The following DUX4 variants were observed in gnomAD, a reference collection of about 807,000 sequenced individuals.
DUX4 encodes double homeobox protein 4.
chr4:190,179,192 C>A (rs1458858083), downstream of DUX4, among the ~76,000 whole-genome samples: 1 of 2,038 alleles, frequency 4.9e-4, no homozygotes, highest in Admixed American at 5.1e-3. Flanking sequence ...AGAGCCCTGA[C>A]AAGTGGTACA....
intron 1 of DUX4, chr4:190,183,125 A>AGGGTT (rs1742622069): frequency 4.6e-5 from 2 of 43,274 alleles, no homozygotes; most frequent in Non-Finnish European, 7.7e-5. Context: ...TTTTAGGGTT[A>AGGGTT]AGGTTAGGGT....
At chr4:190,176,660 T>G (rs1385704787), downstream of DUX4, among the ~76,000 whole-genome samples, 2 of 114,172 alleles carry the variant, frequency 1.8e-5, 1 homozygote, top group Non-Finnish European at 4.1e-5. Context: ...AGGCAGAGCC[T>G]AGACAAGAGT....
downstream of DUX4, among the ~76,000 whole-genome samples, chr4:190,177,816 A>G (rs1579833364): frequency 8.8e-4 from 132 of 150,532 alleles, no homozygotes; most frequent in Middle Eastern, 3.4e-3. Context: ...CCCTTTTGGC[A>G]GAGCCTAGAC....
At chr4:190,178,246 GCATCACCTGGGTGATCAGTGTAGAGA>G (rs1742412825), downstream of DUX4, among the ~76,000 whole-genome samples, 1 of 142,946 alleles carries the variant, frequency 7.0e-6, no homozygotes, top group African/African-American at 2.5e-5. Flanking sequence ...GAGAAGAGTT[GCATCACCTGGGTGATCAGTGTAGAGA>G]TATGTCACAA....
intron 1 of DUX4, chr4:190,182,314 G>A (rs1436189159): frequency 8.9e-6 from 1 of 112,274 alleles, no homozygotes; most frequent in African/African-American, 2.6e-5. Context: ...TTAGGCTTAG[G>A]CTTAGGGTAA....
chr4:190,176,596 C>A (rs1742312577), downstream of DUX4, among the ~76,000 whole-genome samples: 1 of 112,134 alleles, frequency 8.9e-6, no homozygotes, highest in African/African-American at 2.7e-5. Flanking sequence ...AGAACGTAGA[C>A]AAGAGTTCCC....
intron 1 of DUX4, among the ~76,000 whole-genome samples, chr4:190,181,174 ACT>A (rs1742550056): frequency 2.2e-5 from 2 of 91,900 alleles, no homozygotes; most frequent in African/African-American, 4.4e-5. Flanking sequence ...CAGAGCTTAG[ACT>A]AGAGTTACAT....
chr4:190,176,589 A>G (rs1290881858), downstream of DUX4, among the ~76,000 whole-genome samples: 54,915 of 88,492 alleles, frequency 0.62, 21,918 homozygotes, highest in South Asian at 0.8. Context: ...TGTAGGCAGA[A>G]CGTAGACAAG....
chr4:190,177,798 A>C (rs1742386756), downstream of DUX4, among the ~76,000 whole-genome samples: 505 of 132,544 alleles, frequency 3.8e-3, no homozygotes, highest in Admixed American at 6.0e-3. Context: ...GAGTTATGTC[A>C]CAATGCCCCC....
rs1742210984 is a variant in DUX4 at position 190,175,201 on chromosome 4, C to G, written c.*153C>G. 9.4e-5 allele frequency: 14 copies of G among 148,474 alleles called. No homozygotes were observed. Among genetic ancestry groups the G allele is most frequent in the Middle Eastern group, 3.8e-3 (1 of 262 alleles). The allele number at this position is 148,474 out of a possible 1,614,324, so 9.2% of individuals were successfully genotyped here. ...GGATTCCTGCCTTCTAGGTCTAGGC[C>G]CGGTGAGAGACTCCACTCCGCGGAG... On this transcript the variant is annotated 3_prime_UTR_variant, in exon 1 of 2. Transcript: ENST00000565211.
downstream of DUX4, among the ~76,000 whole-genome samples, chr4:190,177,796 T>C (rs1742386699): frequency 0.011 from 1,510 of 134,380 alleles, no homozygotes; most frequent in Admixed American, 0.014. Context: ...CAGAGTTATG[T>C]CACAATGCCC....
chr4:190,183,833 C>T (rs1323553728), intron 1 of DUX4, among the ~76,000 whole-genome samples: 4 of 118,172 alleles, frequency 3.4e-5, no homozygotes, highest in African/African-American at 7.7e-5. Flanking sequence ...CCCCACAACC[C>T]GCAGCATACT....
At chr4:190,180,152 C>T (rs1579836596), downstream of DUX4, among the ~76,000 whole-genome samples, 5 of 60,662 alleles carry the variant, frequency 8.2e-5, no homozygotes, top group South Asian at 1.1e-3. Context: ...AGAGAAGAGT[C>T]CCATCACCTG....
intron 1 of DUX4, 24 bp downstream of exon 1, chr4:190,175,308 C>T (rs1742223423): frequency 9.1e-4 from 94 of 103,836 alleles, no homozygotes; most frequent in South Asian, 2.0e-3. Flanking sequence ...TGCGCACGCG[C>T]GGGTTTGCGG....
At chr4:190,181,492 G>GA (rs1742573846) in intron 1 of DUX4, among the ~76,000 whole-genome samples, 1 of 90,290 alleles carries the variant, frequency 1.1e-5, no homozygotes, top group Non-Finnish European at 2.2e-5. Flanking sequence ...TACGTCACAA[G>GA]GCCCCCTATA....
chr4:190,177,060 T>G (rs1380861341), downstream of DUX4, among the ~76,000 whole-genome samples: 4,195 of 107,110 alleles, frequency 0.039, no homozygotes, highest in East Asian at 0.094. Context: ...AATCCCCCTC[T>G]AGGCAGAGTA....
downstream of DUX4, among the ~76,000 whole-genome samples, chr4:190,177,870 A>AAACT (rs1742391913): frequency 5.5e-5 from 8 of 145,234 alleles, no homozygotes; most frequent in East Asian, 2.1e-4. Flanking sequence ...ATATGTCACA[A>AAACT]TGTCCCTGTA....
At chr4:190,177,020 C>T (rs1742336822), downstream of DUX4, among the ~76,000 whole-genome samples, 85 of 135,208 alleles carry the variant, frequency 6.3e-4, no homozygotes, top group Admixed American at 8.4e-4. Flanking sequence ...ACTTCCATCA[C>T]CTGGGTGATC....
At chr4:190,177,064 C>A (rs1742339837), downstream of DUX4, among the ~76,000 whole-genome samples, 547 of 146,366 alleles carry the variant, frequency 3.7e-3, no homozygotes, top group Middle Eastern at 0.023. Context: ...CCCCTCTAGG[C>A]AGAGTATAGA....
Sources: allele counts gnomAD v4.1 joint callset (sites outside exome capture counted in the v4.1 genomes callset), GRCh38; gene constraint gnomAD v4.1.1; transcripts MANE v1.5; gene names NCBI Gene and HGNC (gene_info 2026-07-23, HGNC 2026-07-21).